Variants in LGR4 observed in about 807,000 individuals in gnomAD.
LGR4 encodes leucine-rich repeat-containing G protein-coupled receptor 4.
LGR4 carries 44 observed loss-of-function variants against 84.8 expected under a neutral mutation model. The observed-to-expected ratio is 0.52, with a 90% CI of 0.41 to 0.67. The LOEUF (loss-of-function observed/expected upper bound fraction) is 0.67. LGR4 is among the 30% of genes least tolerant of loss of function. The pLI is 0.00. For missense variants in LGR4, 1,032 were observed against 1,131.4 expected (o/e 0.91, Z 1.26); for synonymous variants, 429 against 434.3 (o/e 0.99, Z 0.15).
intron 1 of LGR4, among the ~76,000 whole-genome samples, chr11:27,417,832 A>G (rs572342863): frequency 6.6e-6 from 1 of 152,264 alleles, no homozygotes; most frequent in South Asian, 2.1e-4. Context: ...AAGATTCTTC[A>G]TTTGCAAAAT....
chr11:27,428,293 C>T (rs570361844), intron 1 of LGR4, among the ~76,000 whole-genome samples: 4 of 152,078 alleles, frequency 2.6e-5, no homozygotes, highest in Non-Finnish European at 5.9e-5. Context: ...TCCACCACCA[C>T]GTCTGGCTAA....
chr11:27,377,303 A>C (rs1229291268), intron 11 of LGR4, 80 bp from the exon 12 acceptor site: 8 of 700,344 alleles, frequency 1.1e-5, no homozygotes, highest in Non-Finnish European at 2.4e-6. Context: ...GAAGCGTTGA[A>C]AGCAGAGCTA....
In LGR4 at chr11:27,378,755, T is replaced by C. The variant is rs371742671; in HGVS notation, c.985A>G (p.Thr329Ala). Reference protein sequence around the residue: ...VHLESLTLTGTKISSIPNNLC... With the variant: ...VHLESLTLTGAKISSIPNNLC... Reference sequence around the variant, plus strand: ...TTATTAGGTATGCTGCTTATCTTTGTACCTGTCAAAGTCCTGCGGAAAAAC... The same window carrying C: ...TTATTAGGTATGCTGCTTATCTTTGCACCTGTCAAAGTCCTGCGGAAAAAC... Residue 329 changes from threonine (T) to alanine (A), a missense_variant, in exon 11 of 18, where the codon ACA (threonine) becomes GCA (alanine). Physicochemically the swap from Thr to Ala is moderately conservative, Grantham distance 58 (BLOSUM62 0). Transcript: ENST00000379214. 7.4e-6 allele frequency: 12 copies of C among 1,611,026 alleles called. No homozygotes were observed. The African/African-American group carries it at 1.1e-4, about 14-fold the overall frequency.
At chr11:27,454,663 A>G (rs1864541211) in intron 1 of LGR4, among the ~76,000 whole-genome samples, 2 of 151,532 alleles carry the variant, frequency 1.3e-5, no homozygotes, top group African/African-American at 4.9e-5. Flanking sequence ...TCAGGGGCTG[A>G]GGCAGGGGAA....
At chr11:27,374,132 G>C in intron 13 of LGR4, 86 bp from the exon 14 acceptor site, 2 of 853,528 alleles carry the variant, frequency 2.3e-6, no homozygotes, top group Non-Finnish European at 4.0e-6. Flanking sequence ...ATTAGAGGTA[G>C]TAACACAATA....
chr11:27,426,301 G>A (rs1864024386), intron 1 of LGR4, among the ~76,000 whole-genome samples: 1 of 152,154 alleles, frequency 6.6e-6, no homozygotes, highest in Admixed American at 6.5e-5. Flanking sequence ...CACATTGGGG[G>A]AAAAGCAGGA....
At chr11:27,470,293 TG>T (rs1864847791) in intron 1 of LGR4, among the ~76,000 whole-genome samples, 1 of 152,194 alleles carries the variant, frequency 6.6e-6, no homozygotes, top group Non-Finnish European at 1.5e-5. Flanking sequence ...GAAGATGCTT[TG>T]GAGAGAGGAG....
At chr11:27,430,612 C>T (rs1338960056) in intron 1 of LGR4, among the ~76,000 whole-genome samples, 1 of 152,094 alleles carries the variant, frequency 6.6e-6, no homozygotes, top group African/African-American at 2.4e-5. Context: ...ATTCCTCCAG[C>T]TCACTTCTAT....
intron 10 of LGR4, among the ~76,000 whole-genome samples, chr11:27,379,965 C>G (rs1245194258): frequency 1.3e-5 from 2 of 152,166 alleles, no homozygotes; most frequent in East Asian, 1.9e-4. Flanking sequence ...CTCCGTGAAG[C>G]CTTCTGTGAT....
chr11:27,418,832 CTTTT>C (rs55877673), intron 1 of LGR4, among the ~76,000 whole-genome samples: 3 of 128,740 alleles, frequency 2.3e-5, no homozygotes, highest in African/African-American at 9.4e-5. Flanking sequence ...GGATTGAAAT[CTTTT>C]TTTTTTTTTT....
chr11:27,463,740 C>G (rs748258515), intron 1 of LGR4, among the ~76,000 whole-genome samples: 40 of 151,906 alleles, frequency 2.6e-4, no homozygotes, highest in Non-Finnish European at 8.8e-5. Context: ...GAACCGAGAT[C>G]GTGCCACTGC....
intron 2 of LGR4, among the ~76,000 whole-genome samples, chr11:27,399,512 C>CTT (rs112562367): frequency 1.4e-5 from 2 of 145,490 alleles, no homozygotes; most frequent in Non-Finnish European, 1.5e-5. Context: ...TTGGCAACTA[C>CTT]TTTTTTTTTT....
chr11:27,378,598 C>T, intron 11 of LGR4, 99 bp downstream of exon 11: 3 of 889,798 alleles, frequency 3.4e-6, no homozygotes, highest in Non-Finnish European at 3.6e-6. Context: ...AATTATACCT[C>T]AAAACCACCT....
chr11:27,411,723 T>C (rs151308632), intron 2 of LGR4, among the ~76,000 whole-genome samples: 23 of 152,224 alleles, frequency 1.5e-4, no homozygotes, highest in African/African-American at 5.1e-4. Flanking sequence ...AGTGGGAGCA[T>C]TATGTTTGAC....
intron 1 of LGR4, among the ~76,000 whole-genome samples, chr11:27,435,206 G>A (rs1032943888): frequency 3.3e-5 from 5 of 151,830 alleles, no homozygotes; most frequent in African/African-American, 7.2e-5. Flanking sequence ...GGTGACGCAC[G>A]CCTGTAATCC....
At chr11:27,425,392 A>G (rs1015254136) in intron 1 of LGR4, among the ~76,000 whole-genome samples, 1 of 150,240 alleles carries the variant, frequency 6.7e-6, no homozygotes, top group African/African-American at 2.5e-5. Flanking sequence ...TACATGTGGC[A>G]CAATCAGAGC....
At chr11:27,371,499 A>G in intron 17 of LGR4, 116 bp downstream of exon 17, 1 of 647,394 alleles carries the variant, frequency 1.5e-6, no homozygotes, top group Non-Finnish European at 2.5e-6. Context: ...AAGGCCTCAC[A>G]GGATCCTCTA....
intron 2 of LGR4, among the ~76,000 whole-genome samples, chr11:27,399,695 C>A (rs910835329): frequency 1.3e-5 from 2 of 151,584 alleles, no homozygotes; most frequent in African/African-American, 4.8e-5. Context: ...AATTTTTGTA[C>A]TTTTAGTAGA....
chr11:27,435,492 CT>C (rs202247414), intron 1 of LGR4, among the ~76,000 whole-genome samples: 204 of 144,350 alleles, frequency 1.4e-3, no homozygotes, highest in Admixed American at 1.5e-3. Flanking sequence ...TCATCAGCTA[CT>C]TTTTTTTTTT....
Sources: allele counts gnomAD v4.1 joint callset (sites outside exome capture counted in the v4.1 genomes callset), GRCh38; gene constraint gnomAD v4.1.1; transcripts MANE v1.5; gene names NCBI Gene and HGNC (gene_info 2026-07-23, HGNC 2026-07-21).